The following ULK4 variants were observed in gnomAD, a reference collection of about 807,000 sequenced individuals.
ULK4 encodes inactive serine/threonine-protein kinase ULK4.
A neutral mutation model predicts 160.6 loss-of-function variants in ULK4; 133 were observed. That is an observed-to-expected ratio of 0.83 (90% CI 0.72 to 0.96). The LOEUF (loss-of-function observed/expected upper bound fraction) is 0.96, where lower values mean the gene tolerates loss of function less well. Among genes scored for constraint, ULK4 ranks in the 40% least tolerant of loss-of-function variants. The probability of loss-of-function intolerance (pLI) is 0.00; values close to 1 mark genes in which losing one functional copy is unlikely to be tolerated. For synonymous variants in ULK4, 534 were observed against 539.8 expected, an observed-to-expected ratio of 0.99 and a Z score of 0.15; for missense variants, 1,580 against 1,499.5, an observed-to-expected ratio of 1.05 and a Z score of -0.89.
At chr3:41,249,242 G>T (rs1387764282) in intron 36 of ULK4, among the ~76,000 whole-genome samples, 2 of 152,162 alleles carry the variant, frequency 1.3e-5, no homozygotes, top group African/African-American at 4.8e-5. Context: ...CCCCTGGCAG[G>T]ACTAAGACTT....
chr3:41,704,488 G>C (rs1217562425), intron 27 of ULK4, among the ~76,000 whole-genome samples: 1 of 152,158 alleles, frequency 6.6e-6, no homozygotes, highest in Non-Finnish European at 1.5e-5. Context: ...CAGAAAGAAA[G>C]GGACGGAGGA....
intron 30 of ULK4, among the ~76,000 whole-genome samples, chr3:41,638,814 T>C (rs1412106358): frequency 6.6e-6 from 1 of 152,244 alleles, no homozygotes; most frequent in Non-Finnish European, 1.5e-5. Context: ...ATGCCTCATG[T>C]TACATTCCAT....
At chr3:41,303,959 T>G (rs2079848400) in intron 35 of ULK4, among the ~76,000 whole-genome samples, 1 of 152,232 alleles carries the variant, frequency 6.6e-6, no homozygotes, top group South Asian at 2.1e-4. Context: ...CCATCACTAT[T>G]GTATTTGGAT....
intron 30 of ULK4, among the ~76,000 whole-genome samples, chr3:41,653,682 G>C (rs972693363): frequency 6.6e-6 from 1 of 152,166 alleles, no homozygotes; most frequent in African/African-American, 2.4e-5. Context: ...GGCTTTGCCA[G>C]ACACAGAATC....
chr3:41,937,196 A>C lies in ULK4; in HGVS notation c.238+902T>G, dbSNP rs564729533. The C allele has an allele frequency of 8.3e-6, 4 of 480,140 alleles. No homozygotes were observed. In the East Asian group the frequency reaches 9.4e-5, roughly 11 times the overall value. The allele number at this position is 480,140 out of a possible 1,614,324, so 29.7% of individuals were successfully genotyped here. Reference sequence around the variant, plus strand: ...GTTTTGGTGGGTGACGTGCAGTTACAAACGTAGGCATGTTTTACAGTTAGG... The same window carrying C: ...GTTTTGGTGGGTGACGTGCAGTTACCAACGTAGGCATGTTTTACAGTTAGG... On this transcript the variant is annotated intron_variant, in intron 3 of 36. Transcript: ENST00000301831.
intron 35 of ULK4, among the ~76,000 whole-genome samples, chr3:41,339,657 C>T (rs928947342): frequency 2.0e-5 from 3 of 152,136 alleles, no homozygotes; most frequent in East Asian, 3.9e-4. Flanking sequence ...CGATGAGGTA[C>T]GAACAAAACA....
chr3:41,694,378 G>C (rs866792555), intron 27 of ULK4, among the ~76,000 whole-genome samples: 1 of 152,200 alleles, frequency 6.6e-6, no homozygotes, highest in Non-Finnish European at 1.5e-5. Context: ...GTTATGGAGG[G>C]AGGTATAGAA....
At chr3:41,507,631 A>C (rs1255185685) in intron 32 of ULK4, among the ~76,000 whole-genome samples, 4 of 151,298 alleles carry the variant, frequency 2.6e-5, no homozygotes, top group Admixed American at 6.6e-5. Context: ...AAAAAAAAAA[A>C]AAAAAAAACT....
intron 20 of ULK4, among the ~76,000 whole-genome samples, chr3:41,793,993 T>C (rs1321391787): frequency 6.6e-6 from 1 of 152,168 alleles, no homozygotes; most frequent in Non-Finnish European, 1.5e-5. Context: ...CCTGGAAGCA[T>C]GTTAAAATAG....
At chr3:41,684,354 T>C (rs911525907) in intron 27 of ULK4, among the ~76,000 whole-genome samples, 7 of 152,250 alleles carry the variant, frequency 4.6e-5, no homozygotes, top group African/African-American at 1.7e-4. Context: ...GCCTGCTGTT[T>C]GGCAGACTTG....
At chr3:41,790,232 T>C (rs980502374) in intron 20 of ULK4, among the ~76,000 whole-genome samples, 4 of 152,246 alleles carry the variant, frequency 2.6e-5, no homozygotes, top group Non-Finnish European at 5.9e-5. Context: ...AAACACTATC[T>C]GTAAATATCT....
At chr3:41,514,693 T>C (rs2085694349) in intron 32 of ULK4, among the ~76,000 whole-genome samples, 1 of 151,966 alleles carries the variant, frequency 6.6e-6, no homozygotes, top group Non-Finnish European at 1.5e-5. Context: ...AGACAAACAT[T>C]GCATGTTCTT....
At chr3:41,329,573 A>G (rs1376474598) in intron 35 of ULK4, among the ~76,000 whole-genome samples, 1 of 149,590 alleles carries the variant, frequency 6.7e-6, no homozygotes, top group Non-Finnish European at 1.5e-5. Flanking sequence ...TTTGAAAGAA[A>G]TCTATAAAAA....
intron 32 of ULK4, among the ~76,000 whole-genome samples, chr3:41,494,038 C>T (rs1391826072): frequency 2.2e-5 from 3 of 138,938 alleles, no homozygotes; most frequent in Non-Finnish European, 3.2e-5. Context: ...GAAACTATTC[C>T]AATCAATAGA....
At chr3:41,496,414 A>C (rs904014949) in intron 32 of ULK4, among the ~76,000 whole-genome samples, 1 of 152,120 alleles carries the variant, frequency 6.6e-6, no homozygotes, top group African/African-American at 2.4e-5. Flanking sequence ...GAGGAAAAAC[A>C]CATACAATGA....
intron 34 of ULK4, among the ~76,000 whole-genome samples, chr3:41,446,950 G>A (rs897648421): frequency 5.9e-5 from 9 of 151,576 alleles, no homozygotes; most frequent in African/African-American, 2.2e-4. Flanking sequence ...CGGGCATGGT[G>A]GCGTGTGCCT....
At chr3:41,618,844 G>A (rs2033105921) in intron 30 of ULK4, among the ~76,000 whole-genome samples, 1 of 151,950 alleles carries the variant, frequency 6.6e-6, no homozygotes, top group South Asian at 2.1e-4. Flanking sequence ...TAGATAAAGA[G>A]TCAAGACCCA....
At chr3:41,724,076 G>T (rs572822394) in intron 22 of ULK4, among the ~76,000 whole-genome samples, 2 of 152,266 alleles carry the variant, frequency 1.3e-5, no homozygotes, top group East Asian at 3.9e-4. Context: ...TAATCATAAG[G>T]AGATCAAACA....
At position 41,381,697 on chromosome 3, in the gene ULK4, T is replaced by G. The variant is rs1357101574; in HGVS notation, c.3678+16382A>C. Among the ~76,000 whole-genome samples, 4 of 152,188 alleles carry G rather than the reference T, an allele frequency of 2.6e-5. 1 individual carries two copies. In the South Asian group the frequency reaches 6.2e-4, roughly 24 times the overall value. ...GGACTCTGCTGATACAGCAACCCCC[T>G]GACATGTATCTCTTATCCTTCACCC... On this transcript the variant is annotated intron_variant, in intron 35 of 36. Transcript: ENST00000301831.
Sources: allele counts gnomAD v4.1 joint callset (sites outside exome capture counted in the v4.1 genomes callset), GRCh38; gene constraint gnomAD v4.1.1; transcripts MANE v1.5; gene names NCBI Gene and HGNC (gene_info 2026-07-23, HGNC 2026-07-21).